CDH3: variants seen among roughly 807,000 people sequenced by gnomAD.
CDH3 encodes the protein cadherin 3, also known as cadherin-3.
CDH3 carries 54 observed loss-of-function variants against 82.0 expected under a neutral mutation model. The ratio of observed to expected loss-of-function variants is 0.66; its 90% CI spans 0.53 to 0.83. The LOEUF is 0.83. Ranked by LOEUF, CDH3 falls within the 40% of genes least tolerant of loss-of-function variation. The pLI is 0.00. For synonymous variants in CDH3, 446 were observed against 437.9 expected (o/e 1.02, Z -0.23); for missense variants, 1,054 against 1,084.6 (o/e 0.97, Z 0.40).
At chr16:68,673,537 C>T (rs565584480) in intron 2 of CDH3, among the ~76,000 whole-genome samples, 18 of 151,554 alleles carry the variant, frequency 1.2e-4, no homozygotes, top group African/African-American at 4.1e-4. Flanking sequence ...TGGCTCACTG[C>T]AGCTTCAAAC....
chr16:68,712,744 C>T (rs1027606214), intron 1 of CDH3, among the ~76,000 whole-genome samples: 10 of 151,876 alleles, frequency 6.6e-5, no homozygotes, highest in African/African-American at 9.7e-5. Flanking sequence ...TGCAGTGGCT[C>T]GATCTTGGCT....
chr16:68,715,106 A>G (rs900127990), intron 1 of CDH3, among the ~76,000 whole-genome samples: 6 of 152,026 alleles, frequency 3.9e-5, no homozygotes, highest in South Asian at 4.1e-4. Context: ...AACTTGCCCA[A>G]TGCCACACAC....
chr16:68,697,740 T>A (rs1030333897), intron 15 of CDH3, among the ~76,000 whole-genome samples: 5 of 152,220 alleles, frequency 3.3e-5, no homozygotes, highest in Non-Finnish European at 5.9e-5. Flanking sequence ...TTCTAATAAC[T>A]GCTTTACAGG....
At position 68,678,199 on chromosome 16, in the gene CDH3, A is replaced by G; in HGVS notation, c.312A>G (p.Arg104=). The G allele has an allele frequency of 1.2e-6, 2 of 1,613,844 alleles. No individual in the cohort carries two copies. Among genetic ancestry groups the G allele is most frequent in the Non-Finnish European group, 1.7e-6 (2 of 1,179,724 alleles). ...KIFPSKRILR[R]HKRDWVVAPI... ...TCCCATCCAAACGTATCTTACGAAG[A>G]CACAAGAGAGATTGGGTGGTTGCTC... Residue 104 remains arginine (R), a synonymous_variant, in exon 4 of 16, where the codon AGA becomes AGG. Transcript: ENST00000264012.
At position 68,680,938 on chromosome 16, in the gene CDH3, C is replaced by T. The variant is rs540962753; in HGVS notation, c.868-30C>T. On this transcript the variant is annotated intron_variant, in intron 7 of 15. Transcript: ENST00000264012. ...GGAGGGACCCTTCAGATTAAACTCACAATGGGCTTCCCCTCTCCTTTCTCC... is the reference window on the plus strand; with the variant it reads ...GGAGGGACCCTTCAGATTAAACTCATAATGGGCTTCCCCTCTCCTTTCTCC... 4.1e-5 allele frequency: 66 copies of T among 1,613,674 alleles called. No homozygotes were observed. In the South Asian group the frequency reaches 6.0e-4, roughly 15 times the overall value.
chr16:68,731,947 C>CA (rs984051969), downstream of CDH3, among the ~76,000 whole-genome samples: 2 of 151,846 alleles, frequency 1.3e-5, no homozygotes, highest in African/African-American at 2.4e-5. Flanking sequence ...TTAAAAATTG[C>CA]AAAAAACTAC....
At chr16:68,721,684 G>T (rs1438461812) in intron 1 of CDH3, among the ~76,000 whole-genome samples, 1 of 152,192 alleles carries the variant, frequency 6.6e-6, no homozygotes, top group Non-Finnish European at 1.5e-5. Context: ...CCTTTGCCCA[G>T]GTGGTGACTT....
In CDH3 at chr16:68,645,740, G is replaced by A. The variant is rs1286718869; in HGVS notation, c.150G>A (p.Ala50=). The A allele has an allele frequency of 6.5e-7, 1 of 1,544,142 alleles. No individual in the cohort carries two copies. ...GCGCGGAGCAGGAGCCCGGCCAGGC[G>A]CTGGGGAAAGGTAAGATCCTCAGGG... The part of the protein sequence containing the change: ...AGGAEQEPGQ[A]LGKVFMGCPG... The change falls in exon 2 of 16, where the codon GCG becomes GCA. Residue 50 remains alanine (A), a synonymous_variant. Coordinates refer to ENST00000264012, the MANE Select transcript of CDH3 (RefSeq NM_001793.6).
intron 2 of CDH3, among the ~76,000 whole-genome samples, chr16:68,668,715 A>T (rs759723710): frequency 6.6e-6 from 1 of 152,206 alleles, no homozygotes; most frequent in Non-Finnish European, 1.5e-5. Flanking sequence ...ATCTTTGATC[A>T]GCTTCATCCG....
intron 2 of CDH3, chr16:68,651,683 G>GTC (rs1274987096): frequency 7.8e-6 from 4 of 511,276 alleles, no homozygotes; most frequent in Non-Finnish European, 1.2e-5. Flanking sequence ...TGGCCTTGAT[G>GTC]AAGTTGGAGA....
rs1961862444 is a variant in CDH3, at chr16:68,699,905, G to A, written c.*1505G>A. 6.6e-6 allele frequency: 1 copy of A among 152,200 alleles called. No homozygotes were observed. The highest frequency in any genetic ancestry group is 1.9e-4 in the East Asian group (1 of 5,204). The allele number at this position is 152,200 out of a possible 1,614,324, so 9.4% of individuals were successfully genotyped here. A position where few individuals can be genotyped will look rare whatever the true frequency, so the allele number is the denominator to read the frequency against. On this transcript the variant is annotated 3_prime_UTR_variant, in exon 16 of 16. Transcript: ENST00000264012. ...GGCACATGGTCCATGCAATCTGTTAGTTGGTAACAGCTACCATTTATTCAG... is the reference window on the plus strand; with the variant it reads ...GGCACATGGTCCATGCAATCTGTTAATTGGTAACAGCTACCATTTATTCAG...
rs1288125243 is a variant in CDH3 at position 68,698,919 on chromosome 16, T to C, written c.*519T>C. ...ATTCGGATGGATCTCTGCGTTTTTA[T>C]ACTGAGTGTGCCTAGGTTGCCCCTT... On this transcript the variant is annotated 3_prime_UTR_variant, in exon 16 of 16. Transcript: ENST00000264012. 6.2e-6 allele frequency: 1 copy of C among 160,662 alleles called. No individual in the cohort carries two copies. The highest frequency in any genetic ancestry group is 1.8e-4 in the East Asian group (1 of 5,558). 10.0% of individuals were successfully genotyped at this position (160,662 alleles called of 1,614,324 possible). A position where few individuals can be genotyped will look rare whatever the true frequency, so the allele number is the denominator to read the frequency against.
chr16:68,672,201 A>AAAAT (rs1555505631), intron 2 of CDH3, among the ~76,000 whole-genome samples: 5,359 of 145,088 alleles, frequency 0.037, 253 homozygotes, highest in Middle Eastern at 0.12. Context: ...AAAAAAAAAA[A>AAAAT]AAATAAATAA....
intron 2 of CDH3, among the ~76,000 whole-genome samples, chr16:68,648,925 T>C (rs1453782084): frequency 2.0e-5 from 3 of 148,872 alleles, no homozygotes; most frequent in South Asian, 4.3e-4. Context: ...AGGAAACTGG[T>C]TTGGATTTAG....
At chr16:68,677,220 CAAT>C (rs1597805707) in intron 3 of CDH3, among the ~76,000 whole-genome samples, 1 of 152,166 alleles carries the variant, frequency 6.6e-6, no homozygotes, top group East Asian at 1.9e-4. Flanking sequence ...CAGCACAGCA[CAAT>C]GTCTACCCTC....
chr16:68,665,530 A>C (rs1272503306), intron 2 of CDH3, among the ~76,000 whole-genome samples: 2 of 152,204 alleles, frequency 1.3e-5, no homozygotes, highest in Non-Finnish European at 2.9e-5. Context: ...AATGGCTTAC[A>C]TTTATTGAGT....
At chr16:68,660,811 T>C (rs957418901) in intron 2 of CDH3, among the ~76,000 whole-genome samples, 1 of 151,820 alleles carries the variant, frequency 6.6e-6, no homozygotes, top group Admixed American at 6.6e-5. Flanking sequence ...CACAAAAAAT[T>C]AGCCGGGCGT....
At chr16:68,678,719 G>A in intron 5 of CDH3, 43 bp from the exon 6 acceptor site, 1 of 1,614,148 alleles carries the variant, frequency 6.2e-7, no homozygotes. Flanking sequence ...GGCCTGGTGA[G>A]GTGGGTGGCA....
chr16:68,719,502 CTTTTTTTTTTTTTT>C (rs71148939), intron 1 of CDH3, among the ~76,000 whole-genome samples: 2 of 74,506 alleles, frequency 2.7e-5, no homozygotes, highest in East Asian at 9.5e-4. Context: ...TGGAACTGTT[CTTTTTTTTTTTTTT>C]TTTTTTTTTG....
Sources: allele counts gnomAD v4.1 joint callset (sites outside exome capture counted in the v4.1 genomes callset), GRCh38; gene constraint gnomAD v4.1.1; transcripts MANE v1.5; gene names NCBI Gene and HGNC (gene_info 2026-07-23, HGNC 2026-07-21).